Variants in IL12RB2 observed in about 807,000 individuals in gnomAD.
IL12RB2 encodes interleukin 12 receptor subunit beta 2.
In IL12RB2, 82 loss-of-function variants were observed where a neutral mutation model predicts 89.4. The observed-to-expected ratio is 0.92, with a 90% CI of 0.77 to 1.10. IL12RB2 has a LOEUF of 1.10. Among genes scored for constraint, IL12RB2 ranks in the 50% least tolerant of loss-of-function variants. IL12RB2 has a pLI of 0.00. For missense variants in IL12RB2, 963 were observed against 1,031.9 expected (o/e 0.93, Z 0.92); for synonymous variants, 368 against 370.1 (o/e 0.99, Z 0.07).
chr1:67,391,945 A>G (rs961520087), intron 16 of IL12RB2, among the ~76,000 whole-genome samples: 1 of 152,042 alleles, frequency 6.6e-6, no homozygotes, highest in Non-Finnish European at 1.5e-5. Flanking sequence ...GCCCGGCATG[A>G]GGTTGTATGA....
At chr1:67,369,127 G>A (rs1214847969) in intron 11 of IL12RB2, among the ~76,000 whole-genome samples, 1 of 152,274 alleles carries the variant, frequency 6.6e-6, no homozygotes, top group East Asian at 1.9e-4. Context: ...TTTGTAGTCT[G>A]ACTGCTCAGA....
At chr1:67,376,565 C>A (rs562736889) in intron 13 of IL12RB2, among the ~76,000 whole-genome samples, 13 of 152,302 alleles carry the variant, frequency 8.5e-5, no homozygotes, top group African/African-American at 3.1e-4. Context: ...CCAGAGGGAG[C>A]AGGACCAGTA....
chr1:67,329,586 G>A lies in IL12RB2; in HGVS notation c.665-1G>A, dbSNP rs771574201. ...ACTTTTTTGTTTGTCCTGGTTACTA[G>A]TGAGGCCTCTTCCTCCGTGGGACAT... On this transcript the variant is annotated splice_acceptor_variant, in intron 6 of 16. Coordinates refer to ENST00000674203, the MANE Select transcript of IL12RB2 (RefSeq NM_001374259.2). LOFTEE classifies it high-confidence loss of function. 4.5e-6 allele frequency: 7 copies of A among 1,572,180 alleles called. No homozygotes were observed. Among genetic ancestry groups the A allele is most frequent in the Non-Finnish European group, 4.4e-6 (5 of 1,141,828 alleles).
intron 16 of IL12RB2, among the ~76,000 whole-genome samples, chr1:67,391,079 C>T (rs898788168): frequency 1.3e-5 from 2 of 152,044 alleles, no homozygotes; most frequent in African/African-American, 4.8e-5. Flanking sequence ...GAAATCAAGC[C>T]CAGAGGCCAC....
intron 10 of IL12RB2, among the ~76,000 whole-genome samples, chr1:67,355,665 C>A (rs1418274967): frequency 1.3e-5 from 2 of 152,154 alleles, no homozygotes; most frequent in Non-Finnish European, 2.9e-5. Context: ...AAAACCAGAC[C>A]ACCCTTGGGT....
At chr1:67,359,724 C>CA (rs1011009548) in intron 10 of IL12RB2, among the ~76,000 whole-genome samples, 2 of 150,924 alleles carry the variant, frequency 1.3e-5, no homozygotes, top group Non-Finnish European at 3.0e-5. Context: ...AAAAAAAAAA[C>CA]AAAAAAACAC....
chr1:67,388,651 C>G (rs1217249370), intron 15 of IL12RB2, among the ~76,000 whole-genome samples: 1 of 152,146 alleles, frequency 6.6e-6, no homozygotes, highest in African/African-American at 2.4e-5. Context: ...GCCTAAACCA[C>G]AATATTAATG....
chr1:67,391,340 C>A (rs11591116), intron 16 of IL12RB2, among the ~76,000 whole-genome samples: 1 of 148,490 alleles, frequency 6.7e-6, no homozygotes, highest in Non-Finnish European at 1.5e-5. Context: ...ACAGCAAAAA[C>A]AGTGATAATA....
intron 15 of IL12RB2, 70 bp from the exon 16 acceptor site, chr1:67,389,959 A>G (rs1422287003): frequency 2.4e-6 from 2 of 831,000 alleles, no homozygotes; most frequent in Non-Finnish European, 4.3e-6. Flanking sequence ...AAGTTACTGC[A>G]CTGAGAACCT....
chr1:67,362,908 C>CG (rs1263504618), intron 10 of IL12RB2, among the ~76,000 whole-genome samples: 5 of 115,346 alleles, frequency 4.3e-5, no homozygotes, highest in South Asian at 3.4e-4. Flanking sequence ...TTTAATTACT[C>CG]GTTTTTTTTT....
chr1:67,330,739 C>G lies in IL12RB2; in HGVS notation c.887C>G (p.Ser296Cys). The change falls in exon 8 of 17, where the codon TCT (serine) becomes TGT (cysteine). Residue 296 changes from serine (S) to cysteine (C), a missense_variant. Coordinates refer to ENST00000674203, the MANE Select transcript of IL12RB2 (RefSeq NM_001374259.2). Reference protein sequence around the residue: ...PFTEYEFQISSKLHLYKGSWS... With the variant: ...PFTEYEFQISCKLHLYKGSWS... ...ACAGAATATGAATTTCAGATTTCCT[C>G]TAAGCTACATCTTTATAAGGGAAGT... 1.2e-5 allele frequency: 19 copies of G among 1,535,992 alleles called. No individual in the cohort carries two copies. The highest frequency in any genetic ancestry group is 1.7e-5 in the Non-Finnish European group (19 of 1,109,096).
chr1:67,310,633 A>G (rs138579002), intron 1 of IL12RB2, among the ~76,000 whole-genome samples: 54 of 152,354 alleles, frequency 3.5e-4, no homozygotes, highest in Non-Finnish European at 6.2e-4. Context: ...AGCAGGTAAC[A>G]TTGATTGAGC....
intron 13 of IL12RB2, among the ~76,000 whole-genome samples, chr1:67,375,689 G>A (rs1380946045): frequency 6.6e-6 from 1 of 152,178 alleles, no homozygotes; most frequent in Non-Finnish European, 1.5e-5. Flanking sequence ...TGCCTTGGCA[G>A]AGGAGGGTAA....
intron 16 of IL12RB2, among the ~76,000 whole-genome samples, chr1:67,391,938 C>T (rs1233082393): frequency 1.3e-5 from 2 of 152,120 alleles, no homozygotes; most frequent in African/African-American, 2.4e-5. Flanking sequence ...CCACCATGCC[C>T]GGCATGAGGT....
At chr1:67,307,381 G>A, upstream of IL12RB2, 1 of 152,352 alleles carries the variant, frequency 6.6e-6, no homozygotes, top group East Asian at 1.9e-4. Flanking sequence ...CACAGAGAAA[G>A]GACATCTGCG....
rs1197458975 is a variant in IL12RB2, at chr1:67,390,071, C to G, written c.1989C>G (p.Ser663Arg). 7.1e-7 allele frequency: 1 copy of G among 1,402,332 alleles called. No individual in the cohort carries two copies. Among genetic ancestry groups the G allele is most frequent in the Admixed American group, 1.7e-5 (1 of 59,772 alleles). 86.9% of individuals were successfully genotyped at this position (1,402,332 alleles called of 1,614,324 possible). ...LLAALRPQWC[S>R]REIPDPANST... Reference sequence around the variant, plus strand: ...CAGCCCTCAGACCTCAGTGGTGTAGCAGAGAAATTCCAGATCCAGCAAATA... The same window carrying G: ...CAGCCCTCAGACCTCAGTGGTGTAGGAGAGAAATTCCAGATCCAGCAAATA... Residue 663 changes from serine to arginine, a missense_variant, in exon 16 of 17, where the codon AGC (serine) becomes AGG (arginine). By Grantham distance (110) the Ser-to-Arg change is moderately radical (BLOSUM62 -1). Transcript: ENST00000674203.
intron 9 of IL12RB2, among the ~76,000 whole-genome samples, chr1:67,340,673 G>A (rs955615365): frequency 1.3e-4 from 20 of 152,206 alleles, no homozygotes; most frequent in Admixed American, 1.0e-3. Flanking sequence ...CCATGCCTGC[G>A]TGCTTTTCAC....
At chr1:67,330,553 CA>C in intron 7 of IL12RB2, 106 bp from the exon 8 acceptor site, 2 of 680,300 alleles carry the variant, frequency 2.9e-6, no homozygotes, top group Non-Finnish European at 5.2e-6. Flanking sequence ...GTCTGAAAAA[CA>C]AATAAGATCA....
rs2101016425 is a variant in IL12RB2, at chr1:67,372,623, A to G, written c.1559-2A>G. ...AGAAGCCTCCTGTGCCCTACTTTACAGCACCACTGAGTGGCCCCCACATTA... is the reference window on the plus strand; with the variant it reads ...AGAAGCCTCCTGTGCCCTACTTTACGGCACCACTGAGTGGCCCCCACATTA... On this transcript the variant is annotated splice_acceptor_variant, in intron 12 of 16. Transcript: ENST00000674203. LOFTEE classifies it high-confidence loss of function. 1 of 1,613,622 alleles carries G rather than the reference A, an allele frequency of 6.2e-7. No individual in the cohort carries two copies. The highest frequency in any genetic ancestry group is 1.6e-4 in the Middle Eastern group (1 of 6,062).
Sources: allele counts gnomAD v4.1 joint callset (sites outside exome capture counted in the v4.1 genomes callset), GRCh38; gene constraint gnomAD v4.1.1; transcripts MANE v1.5; gene names NCBI Gene and HGNC (gene_info 2026-07-23, HGNC 2026-07-21).